The following MSRB3 variants were observed in gnomAD, a reference collection of about 807,000 sequenced individuals.
MSRB3 encodes the protein methionine-R-sulfoxide reductase B3.
Under a neutral mutation model 21.0 loss-of-function variants are expected in MSRB3, and 13 were observed. The observed-to-expected ratio is 0.62, with a 90% confidence interval of 0.40 to 0.98. The LOEUF is 0.98. MSRB3 is among the 50% of genes least tolerant of loss of function. The pLI is 0.00. For synonymous variants in MSRB3, 87 were observed against 88.6 expected, an observed-to-expected ratio of 0.98 and a Z score of 0.10; for missense variants, 199 against 230.3, an observed-to-expected ratio of 0.86 and a Z score of 0.88.
intron 5 of MSRB3, among the ~76,000 whole-genome samples, chr12:65,400,450 G>A (rs896332667): frequency 1.3e-5 from 2 of 152,018 alleles, no homozygotes; most frequent in East Asian, 1.9e-4. Flanking sequence ...GGGATCAGTG[G>A]TGATATCCCC....
intron 6 of MSRB3, among the ~76,000 whole-genome samples, chr12:65,460,513 A>G (rs924527739): frequency 8.5e-5 from 13 of 152,202 alleles, no homozygotes; most frequent in African/African-American, 2.9e-4. Flanking sequence ...CCACAGATAC[A>G]GATGAACACC....
chr12:65,441,939 A>T (rs554992051), intron 5 of MSRB3, among the ~76,000 whole-genome samples: 3 of 152,152 alleles, frequency 2.0e-5, no homozygotes, highest in Non-Finnish European at 4.4e-5. Context: ...CTAAGTAATT[A>T]TTTTGTCCTA....
At chr12:65,426,457 T>C (rs566001209) in intron 5 of MSRB3, among the ~76,000 whole-genome samples, 2 of 152,302 alleles carry the variant, frequency 1.3e-5, no homozygotes, top group Non-Finnish European at 2.9e-5. Flanking sequence ...TTCTTTCCTC[T>C]GGCTGTTTTC....
rs1592663160 is a variant in MSRB3 at position 65,465,621 on chromosome 12, G to A, written c.*2299G>A. On this transcript the variant is annotated 3_prime_UTR_variant, in exon 7 of 7. Coordinates refer to ENST00000308259, the MANE Select transcript of MSRB3 (RefSeq NM_001031679.3). ...GTCATGTACACTTGATTCCAGATGAGCTCTGGTCTTATCTGGATGCTCAGA... is the reference window on the plus strand; with the variant it reads ...GTCATGTACACTTGATTCCAGATGAACTCTGGTCTTATCTGGATGCTCAGA... 6.6e-6 allele frequency: 1 copy of A among 152,104 alleles called. No individual in the cohort carries two copies. The highest frequency in any genetic ancestry group is 2.1e-4 in the South Asian group (1 of 4,802). 9.4% of individuals were successfully genotyped at this position (152,104 alleles called of 1,614,324 possible).
chr12:65,436,732 G>A (rs1250746984), intron 5 of MSRB3, among the ~76,000 whole-genome samples: 1 of 151,934 alleles, frequency 6.6e-6, no homozygotes, highest in East Asian at 1.9e-4. Flanking sequence ...AATGTTTCTA[G>A]CTTCTTACTA....
At chr12:65,285,217 T>C (rs1290149004) in intron 1 of MSRB3, 1 of 152,234 alleles carries the variant, frequency 6.6e-6, no homozygotes. Flanking sequence ...CCCTCATTTT[T>C]ACAGAATTCC....
intron 1 of MSRB3, chr12:65,284,294 G>C (rs769975554): frequency 2.0e-5 from 3 of 152,202 alleles, no homozygotes; most frequent in Non-Finnish European, 4.4e-5. Flanking sequence ...ATAAGTCATA[G>C]GACCAATAAA....
At chr12:65,406,399 T>C (rs992237594) in intron 5 of MSRB3, among the ~76,000 whole-genome samples, 1 of 152,122 alleles carries the variant, frequency 6.6e-6, no homozygotes, top group Non-Finnish European at 1.5e-5. Flanking sequence ...AAGTGAAAGG[T>C]CTGTGCACTG....
chr12:65,395,482 A>G (rs1401114291), intron 5 of MSRB3, among the ~76,000 whole-genome samples: 1 of 152,050 alleles, frequency 6.6e-6, no homozygotes, highest in Non-Finnish European at 1.5e-5. Flanking sequence ...AAAAAATCCT[A>G]AGGAATCCAG....
intron 5 of MSRB3, among the ~76,000 whole-genome samples, chr12:65,390,809 T>C (rs549510352): frequency 1.3e-5 from 2 of 152,300 alleles, no homozygotes; most frequent in East Asian, 3.9e-4. Flanking sequence ...AGTTATTTCA[T>C]TGTGGTAAGA....
intron 2 of MSRB3, among the ~76,000 whole-genome samples, chr12:65,319,673 G>T: frequency 6.6e-6 from 1 of 152,086 alleles, no homozygotes; most frequent in East Asian, 1.9e-4. Flanking sequence ...ATTCACTGTA[G>T]ATGTTTAATA....
intron 1 of MSRB3, among the ~76,000 whole-genome samples, chr12:65,280,272 C>T (rs1415411069): frequency 6.6e-6 from 1 of 151,974 alleles, no homozygotes; most frequent in Non-Finnish European, 1.5e-5. Flanking sequence ...TATTGTTTTT[C>T]AAAAAAACCC....
At chr12:65,426,400 G>A (rs1248819075) in intron 5 of MSRB3, among the ~76,000 whole-genome samples, 1 of 152,098 alleles carries the variant, frequency 6.6e-6, no homozygotes, top group Non-Finnish European at 1.5e-5. Flanking sequence ...GGTTCCTGCT[G>A]AGAAGTATAC....
chr12:65,371,847 T>TC (rs1878347145), intron 5 of MSRB3, among the ~76,000 whole-genome samples: 1 of 152,154 alleles, frequency 6.6e-6, no homozygotes, highest in African/African-American at 2.4e-5. Context: ...ATTGCATCTT[T>TC]CTTTTTTTTT....
chr12:65,397,589 T>C (rs1879884815), intron 5 of MSRB3, among the ~76,000 whole-genome samples: 1 of 152,140 alleles, frequency 6.6e-6, no homozygotes, highest in Admixed American at 6.5e-5. Context: ...AAAGTACAAT[T>C]ATACTTCTTT....
chr12:65,330,337 G>A (rs1875329824), intron 4 of MSRB3, among the ~76,000 whole-genome samples: 1 of 152,174 alleles, frequency 6.6e-6, no homozygotes, highest in Admixed American at 6.5e-5. Context: ...ATCTACTTCT[G>A]TGCTTACAAG....
chr12:65,349,102 C>T (rs1268336932), intron 4 of MSRB3, among the ~76,000 whole-genome samples: 1 of 152,022 alleles, frequency 6.6e-6, no homozygotes, highest in East Asian at 1.9e-4. Flanking sequence ...TATTCCCCTT[C>T]CTGTGTCCAT....
At chr12:65,418,414 A>T (rs1044650384) in intron 5 of MSRB3, among the ~76,000 whole-genome samples, 2 of 152,060 alleles carry the variant, frequency 1.3e-5, no homozygotes, top group African/African-American at 4.8e-5. Context: ...CTCTTATCAG[A>T]TGTGAGGTTT....
At chr12:65,368,913 T>A in intron 4 of MSRB3, 85 bp from the exon 5 acceptor site, 1 of 601,566 alleles carries the variant, frequency 1.7e-6, no homozygotes, top group South Asian at 1.6e-5. Context: ...TTACCTCCCC[T>A]CCCAACCACA....
Sources: gnomAD v4.1 joint callset for allele counts (sites outside exome capture counted in the v4.1 genomes callset) on GRCh38, gnomAD v4.1.1 for gene constraint, MANE v1.5 for transcripts, NCBI Gene and HGNC (gene_info 2026-07-23, HGNC 2026-07-21) for gene names.